The following PDGFC variants were observed in gnomAD, a reference collection of about 807,000 sequenced individuals.
The protein encoded by PDGFC is platelet derived growth factor C.
In PDGFC, 12 loss-of-function variants were observed where a neutral mutation model predicts 35.5. That is an observed-to-expected ratio of 0.34 (90% confidence interval 0.22 to 0.55). The LOEUF (loss-of-function observed/expected upper bound fraction) is 0.55. PDGFC is among the 20% of genes least tolerant of loss of function. The pLI is 0.91. For missense variants in PDGFC, 322 were observed against 412.4 expected (o/e 0.78, Z 1.90); for synonymous variants, 159 against 148.8 (o/e 1.07, Z -0.50).
chr4:156,934,288 T>A (rs1189706016), intron 1 of PDGFC, among the ~76,000 whole-genome samples: 1 of 152,230 alleles, frequency 6.6e-6, no homozygotes. Flanking sequence ...CATGTTATTG[T>A]ACTGAAAACT....
intron 1 of PDGFC, among the ~76,000 whole-genome samples, chr4:156,854,378 T>A (rs1451499196): frequency 1.3e-5 from 2 of 152,154 alleles, no homozygotes; most frequent in African/African-American, 4.8e-5. Context: ...TAAGTTTGTG[T>A]TTACATTTTT....
chr4:156,801,405 C>T (rs543619155), intron 3 of PDGFC, among the ~76,000 whole-genome samples: 8 of 152,312 alleles, frequency 5.3e-5, no homozygotes, highest in Admixed American at 1.3e-4. Context: ...GATAAATCAG[C>T]TGTATCTGGG....
At chr4:156,829,702 G>C (rs528063003) in intron 2 of PDGFC, among the ~76,000 whole-genome samples, 2 of 152,074 alleles carry the variant, frequency 1.3e-5, no homozygotes, top group African/African-American at 2.4e-5. Context: ...TTTTGTTACA[G>C]ATGTTATTTC....
chr4:156,930,405 T>C (rs1480780312), intron 1 of PDGFC, among the ~76,000 whole-genome samples: 1 of 152,156 alleles, frequency 6.6e-6, no homozygotes, highest in Admixed American at 6.5e-5. Context: ...GGCTAGCAAA[T>C]CCTAATATCA....
At chr4:156,932,472 A>G (rs1268051403) in intron 1 of PDGFC, among the ~76,000 whole-genome samples, 2 of 152,138 alleles carry the variant, frequency 1.3e-5, no homozygotes, top group East Asian at 3.9e-4. Flanking sequence ...CACTATTCAC[A>G]ATAGCAAAGA....
chr4:156,844,605 G>A (rs1015313414), intron 2 of PDGFC, among the ~76,000 whole-genome samples: 1 of 151,092 alleles, frequency 6.6e-6, no homozygotes, highest in Non-Finnish European at 1.5e-5. Context: ...ATACAAACAA[G>A]GACATAAGAA....
intron 3 of PDGFC, among the ~76,000 whole-genome samples, chr4:156,798,346 T>G (rs946427290): frequency 2.6e-5 from 4 of 152,198 alleles, no homozygotes; most frequent in Non-Finnish European, 5.9e-5. Context: ...CTCTATGACC[T>G]TTCAGAGAGT....
intron 3 of PDGFC, among the ~76,000 whole-genome samples, chr4:156,810,232 CT>C (rs553580891): frequency 3.3e-5 from 5 of 151,488 alleles, no homozygotes; most frequent in Non-Finnish European, 7.4e-5. Flanking sequence ...TTATATTAAA[CT>C]TTAAAAAGTT....
intron 1 of PDGFC, among the ~76,000 whole-genome samples, chr4:156,903,913 C>T (rs138367790): frequency 0.016 from 2,493 of 152,260 alleles, 75 homozygotes; most frequent in African/African-American, 0.057. Context: ...TAGAGCTGTA[C>T]TGGCCTTTAG....
At chr4:156,967,153 T>C (rs1732486383) in intron 1 of PDGFC, among the ~76,000 whole-genome samples, 1 of 152,140 alleles carries the variant, frequency 6.6e-6, no homozygotes. Context: ...CTATTTACTC[T>C]TGGACACTGT....
chr4:156,868,338 C>T (rs1729895469), intron 1 of PDGFC, among the ~76,000 whole-genome samples: 1 of 152,144 alleles, frequency 6.6e-6, no homozygotes, highest in Admixed American at 6.5e-5. Context: ...AAATCTTTCA[C>T]AGGTCACTTT....
At position 156,851,557 on chromosome 4, in the gene PDGFC, C is replaced by T. The variant is rs529871777; in HGVS notation, c.119-1141G>A. The stretch of plus-strand genomic sequence containing the variant: ...AACCAGTTGAGAGTTAATAATGAGA[C>T]GAAACCCACAATTGATAAGTTATAA... On this transcript the variant is annotated intron_variant, in intron 1 of 5. Coordinates refer to ENST00000502773, the MANE Select transcript of PDGFC (RefSeq NM_016205.3). 2.2e-4 allele frequency among the ~76,000 whole-genome samples: 33 copies of T among 152,108 alleles called. No homozygotes were observed. The South Asian group carries it at 6.0e-3, about 28-fold the overall frequency.
At chr4:156,823,152 C>A (rs571898144) in intron 2 of PDGFC, among the ~76,000 whole-genome samples, 11 of 152,210 alleles carry the variant, frequency 7.2e-5, no homozygotes, top group African/African-American at 2.6e-4. Context: ...TGCCTGTAAT[C>A]CTAGCACTTT....
chr4:156,913,100 C>A (rs1731076641), intron 1 of PDGFC, among the ~76,000 whole-genome samples: 1 of 152,084 alleles, frequency 6.6e-6, no homozygotes, highest in African/African-American at 2.4e-5. Context: ...CCCCCTTCTT[C>A]TTCAAGGAGT....
chr4:156,808,814 T>G (rs1731846385), intron 3 of PDGFC, among the ~76,000 whole-genome samples: 1 of 151,912 alleles, frequency 6.6e-6, no homozygotes, highest in Admixed American at 6.6e-5. Context: ...TGGCTGTAAG[T>G]AGAGAGATGA....
Position 156,952,971 on chromosome 4 carries a change from T to C in PDGFC, c.118+17815A>G, listed in dbSNP as rs552533725. Reference sequence around the variant, plus strand: ...ACAATTATTTACAAATAAAACATAATGAATTTTGTCTTTTTATGAAAACAC... The same window carrying C: ...ACAATTATTTACAAATAAAACATAACGAATTTTGTCTTTTTATGAAAACAC... On this transcript the variant is annotated intron_variant, in intron 1 of 5. Coordinates refer to ENST00000502773, the MANE Select transcript of PDGFC (RefSeq NM_016205.3). 3.9e-5 allele frequency among the ~76,000 whole-genome samples: 6 copies of C among 152,024 alleles called. No homozygotes were observed. In the South Asian group the frequency reaches 1.2e-3, roughly 32 times the overall value.
At chr4:156,917,952 T>C (rs1731189427) in intron 1 of PDGFC, among the ~76,000 whole-genome samples, 1 of 152,198 alleles carries the variant, frequency 6.6e-6, no homozygotes. Flanking sequence ...TGAGGAAAAA[T>C]GCTTTTTTGA....
intron 1 of PDGFC, among the ~76,000 whole-genome samples, chr4:156,890,112 G>T (rs568606923): frequency 2.6e-5 from 4 of 152,140 alleles, no homozygotes; most frequent in Middle Eastern, 3.4e-3. Context: ...GAGGGCACTG[G>T]TCTGGAACCT....
chr4:156,880,565 C>T (rs1730217788), intron 1 of PDGFC, among the ~76,000 whole-genome samples: 1 of 152,156 alleles, frequency 6.6e-6, no homozygotes, highest in African/African-American at 2.4e-5. Context: ...AACAACCATT[C>T]TGAAGCCCAT....
Sources: gnomAD v4.1 joint callset for allele counts (sites outside exome capture counted in the v4.1 genomes callset) on GRCh38, gnomAD v4.1.1 for gene constraint, MANE v1.5 for transcripts, NCBI Gene and HGNC (gene_info 2026-07-23, HGNC 2026-07-21) for gene names.